Variants in HEXB observed in about 807,000 individuals in gnomAD.
HEXB encodes beta-hexosaminidase subunit beta.
A neutral mutation model predicts 71.2 loss-of-function variants in HEXB; 51 were observed. The ratio of observed to expected loss-of-function variants is 0.72; its 90% confidence interval spans 0.57 to 0.90. The LOEUF (loss-of-function observed/expected upper bound fraction) is 0.90. HEXB is among the 40% of genes least tolerant of loss of function. The pLI is 0.00. For synonymous variants in HEXB, 266 were observed against 249.3 expected (o/e 1.07, Z -0.63); for missense variants, 617 against 677.0 (o/e 0.91, Z 0.98).
intron 1 of HEXB, among the ~76,000 whole-genome samples, chr5:74,655,789 A>G (rs895891803): frequency 1.3e-5 from 2 of 152,336 alleles, no homozygotes; most frequent in South Asian, 4.1e-4. Flanking sequence ...ATCCTCAAAA[A>G]TTCTGAATAG....
chr5:74,681,461 AGGC>A (rs1318151800), upstream of HEXB, among the ~76,000 whole-genome samples: 5 of 152,214 alleles, frequency 3.3e-5, no homozygotes, highest in African/African-American at 1.2e-4. Context: ...GTATTGGTAT[AGGC>A]CTGTAGTACT....
intron 1 of HEXB, among the ~76,000 whole-genome samples, chr5:74,648,576 CG>C (rs1463535525): frequency 6.6e-6 from 1 of 152,070 alleles, no homozygotes; most frequent in East Asian, 1.9e-4. Flanking sequence ...GGAAACATCC[CG>C]GGGTTTTCCA....
At chr5:74,676,901 G>A (rs2112110051) in intron 1 of HEXB, among the ~76,000 whole-genome samples, 1 of 152,004 alleles carries the variant, frequency 6.6e-6, no homozygotes, top group Non-Finnish European at 1.5e-5. Context: ...GTTTTGTTTT[G>A]TTTGAGACGG....
rs1299819245 is a variant in HEXB at position 74,641,803 on chromosome 5, G to A, written c.-377+1245G>A. Among the ~76,000 whole-genome samples, 1 of 152,148 alleles carries A rather than the reference G, an allele frequency of 6.6e-6. No individual in the cohort carries two copies. The highest frequency in any genetic ancestry group is 1.5e-5 in the Non-Finnish European group (1 of 68,020). ...ATATCTGTCTTTTATTCGGTATTTGGAGCTAAGTCTATAAATGAACGGGAT... is the reference window on the plus strand; with the variant it reads ...ATATCTGTCTTTTATTCGGTATTTGAAGCTAAGTCTATAAATGAACGGGAT... On this transcript the variant is annotated intron_variant, in intron 1 of 13. Coordinates refer to the HEXB transcript ENST00000511181. This position sits in a 1 kb window ranked among gnomAD's most constrained non-coding sequence, Gnocchi z 4.1.
chr5:74,647,022 CT>C (rs1468338303), intron 1 of HEXB, among the ~76,000 whole-genome samples: 2 of 152,194 alleles, frequency 1.3e-5, no homozygotes, highest in Non-Finnish European at 2.9e-5. Context: ...TAGATGCCTA[CT>C]TTTTCCTGCC....
chr5:74,673,204 T>A (rs1021353230), intron 1 of HEXB, among the ~76,000 whole-genome samples: 11 of 152,346 alleles, frequency 7.2e-5, no homozygotes, highest in African/African-American at 2.6e-4. Context: ...GGAGAAATGC[T>A]TGCCAGTTGC....
chr5:74,696,043 G>T (rs1274761488), intron 3 of HEXB, among the ~76,000 whole-genome samples: 1 of 152,146 alleles, frequency 6.6e-6, no homozygotes, highest in African/African-American at 2.4e-5. Flanking sequence ...AGGTTGGAGA[G>T]ACAGGAAGGC....
At chr5:74,706,944 G>C (rs1479551483) in intron 6 of HEXB, among the ~76,000 whole-genome samples, 1 of 152,276 alleles carries the variant, frequency 6.6e-6, no homozygotes, top group South Asian at 2.1e-4. Flanking sequence ...GAAGAGAGCA[G>C]TGGTTCTCCC....
chr5:74,675,991 T>C (rs758119371), intron 1 of HEXB, among the ~76,000 whole-genome samples: 1 of 152,174 alleles, frequency 6.6e-6, no homozygotes. Flanking sequence ...TATAAGACTT[T>C]GGTGACAAGC....
chr5:74,647,099 C>G (rs1748016177), intron 1 of HEXB, among the ~76,000 whole-genome samples: 1 of 152,168 alleles, frequency 6.6e-6, no homozygotes, highest in African/African-American at 2.4e-5. Flanking sequence ...CACAAGGCCT[C>G]TGTGGGGTGT....
In HEXB at chr5:74,696,674, TAA is replaced by T. The variant is rs1450329737; in HGVS notation, c.512-17_512-16del. The T allele has an allele frequency of 1.6e-6, 2 of 1,282,414 alleles. No homozygotes were observed. Among genetic ancestry groups the T allele is most frequent in the Non-Finnish European group, 2.3e-6 (2 of 880,614 alleles). The allele number at this position is 1,282,414 out of a possible 1,614,324, so 79.4% of individuals were successfully genotyped here. On this transcript the variant is annotated splice_polypyrimidine_tract_variant and intron_variant, in intron 3 of 13. Coordinates refer to ENST00000261416, the MANE Select transcript of HEXB (RefSeq NM_000521.4). ...TTTGTTGATTTATAAATTAATGCAA[TAA>T]ATTTTACTTTCCTCAGGTTTAGAGA...
At chr5:74,699,509 A>C (rs1302589725) in intron 5 of HEXB, among the ~76,000 whole-genome samples, 3 of 152,084 alleles carry the variant, frequency 2.0e-5, no homozygotes, top group African/African-American at 7.2e-5. Flanking sequence ...TCCTGACCTC[A>C]AGTGATTTGC....
At position 74,713,780 on chromosome 5, in the gene HEXB, C is replaced by T. The variant is rs1749610510; in HGVS notation, c.901+145C>T. 17 of 710,210 alleles carry T rather than the reference C, an allele frequency of 2.4e-5. No individual in the cohort carries two copies. In the East Asian group the frequency reaches 4.2e-4, roughly 17 times the overall value. The allele number at this position is 710,210 out of a possible 1,614,324, so 44.0% of individuals were successfully genotyped here. On this transcript the variant is annotated intron_variant, in intron 7 of 13. Coordinates refer to ENST00000261416, the MANE Select transcript of HEXB (RefSeq NM_000521.4). Reference sequence around the variant, plus strand: ...CCAGGATCAAGCGATTCTCCTGCCTCAGCTTCCTGAGTAGCTGAGACTACA... The same window carrying T: ...CCAGGATCAAGCGATTCTCCTGCCTTAGCTTCCTGAGTAGCTGAGACTACA...
intron 6 of HEXB, among the ~76,000 whole-genome samples, chr5:74,711,145 T>C (rs867084247): frequency 4.0e-4 from 60 of 151,452 alleles, no homozygotes; most frequent in Admixed American, 2.9e-3. Flanking sequence ...TCTACAACTA[T>C]CTGATGTTTG....
chr5:74,720,695 G>C lies in HEXB; in HGVS notation c.1561G>C (p.Asp521His). 6.2e-7 allele frequency: 1 copy of C among 1,614,208 alleles called. No homozygotes were observed. Among genetic ancestry groups the C allele is most frequent in the Non-Finnish European group, 8.5e-7 (1 of 1,180,030 alleles). The change falls in exon 13 of 14, where the codon GAT (aspartate) becomes CAT (histidine). Residue 521 changes from aspartate (D) to histidine (H), a missense_variant. By Grantham distance (81) the Asp-to-His change is moderately conservative (BLOSUM62 -1). Coordinates refer to ENST00000261416, the MANE Select transcript of HEXB (RefSeq NM_000521.4). ...ACTCTGGAGTTCCAAAGATGTCAGA[G>C]ATATGGATGACGCCTATGACAGACT... ...ERLWSSKDVR[D>H]MDDAYDRLTR...
chr5:74,689,992 A>AT (rs1748961182), intron 2 of HEXB: 1 of 111,180 alleles, frequency 9.0e-6, no homozygotes, highest in Non-Finnish European at 1.8e-5. Flanking sequence ...TCTTTTGGAC[A>AT]TCTAGGTAAT....
chr5:74,691,603 A>G (rs1479618478), intron 2 of HEXB, among the ~76,000 whole-genome samples: 2 of 152,226 alleles, frequency 1.3e-5, no homozygotes, highest in Non-Finnish European at 2.9e-5. Context: ...TTATATATCA[A>G]CACACGTGCA....
chr5:74,716,623 A>G lies in HEXB; in HGVS notation c.1119A>G (p.Gln373=). 1 of 1,610,498 alleles carries G rather than the reference A, an allele frequency of 6.2e-7. No homozygotes were observed. The highest frequency in any genetic ancestry group is 8.5e-7 in the Non-Finnish European group (1 of 1,178,394). Residue 373 remains glutamine (Q), a synonymous_variant, in exon 9 of 14, where the codon CAA becomes CAG. Coordinates refer to ENST00000261416, the MANE Select transcript of HEXB (RefSeq NM_000521.4). The stretch of plus-strand genomic sequence containing the variant: ...CAAAAATTCAAGATTTCATGAGGCA[A>G]AAAGGCTTTGGCACAGATTTTAAGA... ...SNPKIQDFMR[Q]KGFGTDFKKL...
chr5:74,690,229 C>T (rs894421509), intron 2 of HEXB, among the ~76,000 whole-genome samples: 18 of 152,030 alleles, frequency 1.2e-4, no homozygotes, highest in South Asian at 2.1e-4. Flanking sequence ...AATAAGTGGG[C>T]GTGCCATTTC....
Sources: gnomAD v4.1 joint callset for allele counts (sites outside exome capture counted in the v4.1 genomes callset) on GRCh38, gnomAD v4.1.1 for gene constraint, Gnocchi (gnomAD v3.1) non-coding constraint, MANE v1.5 for transcripts, NCBI Gene and HGNC (gene_info 2026-07-23, HGNC 2026-07-21) for gene names.